The following LYPLAL1 variants were observed in gnomAD, a reference collection of about 807,000 sequenced individuals.
LYPLAL1 encodes lysophospholipase-like protein 1.
In LYPLAL1, 23 loss-of-function variants were observed where a neutral mutation model predicts 19.7. That is an observed-to-expected ratio of 1.17 (90% CI 0.84 to 1.65). The LOEUF (loss-of-function observed/expected upper bound fraction) is 1.65, where lower values mean the gene tolerates loss of function less well. Among genes scored for constraint, LYPLAL1 ranks in the 40% most tolerant of loss-of-function variants. The pLI, the probability that LYPLAL1 is intolerant of heterozygous loss-of-function variation, is 0.00. For synonymous variants in LYPLAL1, 119 were observed against 96.3 expected, an observed-to-expected ratio of 1.24 and a Z score of -1.38; for missense variants, 355 against 279.4, an observed-to-expected ratio of 1.27 and a Z score of -1.93.
At chr1:219,193,025 C>T in intron 2 of LYPLAL1, 57 bp from the exon 3 acceptor site, 8 of 1,444,318 alleles carry the variant, frequency 5.5e-6, no homozygotes, top group South Asian at 2.8e-5. Context: ...TTAAAGCATC[C>T]ATTTTCATAT....
the LYPLAL1 span, among the ~76,000 whole-genome samples, chr1:219,262,615 A>G: frequency 7.9e-5 from 12 of 152,262 alleles, no homozygotes; most frequent in South Asian, 2.5e-3. Flanking sequence ...TTCTGGGTCT[A>G]GCCACCCAGT....
chr1:219,267,258 A>G, the LYPLAL1 span, among the ~76,000 whole-genome samples: 2 of 152,162 alleles, frequency 1.3e-5, no homozygotes, highest in African/African-American at 4.8e-5. Context: ...TCCCCCCAGC[A>G]ACACACTCCT....
intron 2 of LYPLAL1, among the ~76,000 whole-genome samples, chr1:219,189,086 T>C (rs911977412): frequency 1.7e-4 from 26 of 151,728 alleles, no homozygotes; most frequent in Non-Finnish European, 3.5e-4. Context: ...CATACTTACA[T>C]TGGGATTCTA....
intron 3 of LYPLAL1, among the ~76,000 whole-genome samples, chr1:219,206,183 T>G (rs1658554911): frequency 6.6e-6 from 1 of 152,138 alleles, no homozygotes; most frequent in Non-Finnish European, 1.5e-5. Context: ...TCTGTTTTAT[T>G]TTATATAAAG....
chr1:219,408,239 CTG>C, the LYPLAL1 span, among the ~76,000 whole-genome samples: 1 of 152,192 alleles, frequency 6.6e-6, no homozygotes, highest in Admixed American at 6.5e-5. Flanking sequence ...GGCTCTTTCT[CTG>C]TGATGTTGAG....
the LYPLAL1 span, among the ~76,000 whole-genome samples, chr1:219,302,701 A>C: frequency 2.0e-5 from 3 of 152,106 alleles, no homozygotes; most frequent in African/African-American, 7.2e-5. Flanking sequence ...TCTCATTAAG[A>C]GTTAGTTTCT....
At chr1:219,228,459 A>ATATATATATATATATATATATATAT in the LYPLAL1 span, among the ~76,000 whole-genome samples, 4 of 152,024 alleles carry the variant, frequency 2.6e-5, no homozygotes, top group South Asian at 2.1e-4. Flanking sequence ...TCCAATATAG[A>ATATATATATATATATATATATATAT]AAACGTTCCC....
At chr1:219,431,063 C>A in the LYPLAL1 span, among the ~76,000 whole-genome samples, 1 of 152,078 alleles carries the variant, frequency 6.6e-6, no homozygotes, top group African/African-American at 2.4e-5. Context: ...ACTAAACATG[C>A]CTTATTTAAT....
chr1:219,286,631 A>T, the LYPLAL1 span, among the ~76,000 whole-genome samples: 4 of 152,242 alleles, frequency 2.6e-5, no homozygotes, highest in Non-Finnish European at 4.4e-5. Context: ...AGAGTGGGAC[A>T]GTGTCACTGC....
the LYPLAL1 span, among the ~76,000 whole-genome samples, chr1:219,306,883 T>C: frequency 8.3e-6 from 1 of 121,164 alleles, no homozygotes; most frequent in Non-Finnish European, 1.9e-5. Flanking sequence ...TAGATAGAGA[T>C]AGAAAGTAAA....
chr1:219,436,367 A>G, the LYPLAL1 span, among the ~76,000 whole-genome samples: 1 of 152,214 alleles, frequency 6.6e-6, no homozygotes, highest in East Asian at 1.9e-4. Context: ...GTATAGAAAT[A>G]AATATATTAA....
rs377506790 is a variant in LYPLAL1, at chr1:219,187,382, T to G, written c.192-5700T>G. Among the ~76,000 whole-genome samples, 128 of 151,760 alleles carry G rather than the reference T, an allele frequency of 8.4e-4. 1 individual carries two copies. The highest frequency in any genetic ancestry group is 1.2e-3 in the Non-Finnish European group (78 of 67,708). On this transcript the variant is annotated intron_variant, in intron 2 of 4. Transcript: ENST00000366928. ...TCAGCAATTAGTTTGCTGTGTTGAT[T>G]TAGATGGAAAATACTGCTTTTTTTT...
the LYPLAL1 span, among the ~76,000 whole-genome samples, chr1:219,298,166 C>T: frequency 6.6e-6 from 1 of 152,000 alleles, no homozygotes; most frequent in Non-Finnish European, 1.5e-5. Context: ...AAAAATTTGT[C>T]AGGCATGGTG....
At chr1:219,427,061 G>A in the LYPLAL1 span, among the ~76,000 whole-genome samples, 2 of 152,164 alleles carry the variant, frequency 1.3e-5, no homozygotes, top group Non-Finnish European at 2.9e-5. Context: ...TTAAAAATAA[G>A]TATCAGCTTT....
chr1:219,215,438 T>C (rs182680409), downstream of LYPLAL1, among the ~76,000 whole-genome samples: 46 of 152,254 alleles, frequency 3.0e-4, no homozygotes, highest in African/African-American at 1.1e-3. Flanking sequence ...TGTGTCTTGG[T>C]ATAATTTCTC....
At chr1:219,437,038 A>G in the LYPLAL1 span, 1 of 152,226 alleles carries the variant, frequency 6.6e-6, no homozygotes, top group East Asian at 1.9e-4. Flanking sequence ...GTGAAGTTCT[A>G]TGAACCACCT....
the LYPLAL1 span, among the ~76,000 whole-genome samples, chr1:219,244,260 T>C: frequency 6.6e-6 from 1 of 151,968 alleles, no homozygotes; most frequent in Non-Finnish European, 1.5e-5. Context: ...ATAAGAAATA[T>C]AAAGAAAGGC....
At chr1:219,358,962 C>G in the LYPLAL1 span, among the ~76,000 whole-genome samples, 1 of 151,866 alleles carries the variant, frequency 6.6e-6, no homozygotes, top group African/African-American at 2.4e-5. Context: ...CCAGTAGTTG[C>G]AAGATGAGGA....
chr1:219,290,764 C>T, the LYPLAL1 span, among the ~76,000 whole-genome samples: 2 of 152,130 alleles, frequency 1.3e-5, no homozygotes, highest in East Asian at 3.9e-4. Context: ...ATCCAAGAAC[C>T]CTCTCTTGCA....
Sources: allele counts gnomAD v4.1 joint callset (sites outside exome capture counted in the v4.1 genomes callset), GRCh38; gene constraint gnomAD v4.1.1; transcripts MANE v1.5; gene names NCBI Gene and HGNC (gene_info 2026-07-23, HGNC 2026-07-21).